Variants in PTPN7 observed in about 807,000 individuals in gnomAD.
PTPN7 encodes tyrosine-protein phosphatase non-receptor type 7.
PTPN7 carries 33 observed loss-of-function variants against 50.3 expected under a neutral mutation model. That is an observed-to-expected ratio of 0.66 (90% CI 0.50 to 0.88). PTPN7 has a LOEUF of 0.88. Among genes scored for constraint, PTPN7 ranks in the 40% least tolerant of loss-of-function variants. PTPN7 has a pLI of 0.00. For missense variants in PTPN7, 412 were observed against 475.4 expected (o/e 0.87, Z 1.24); for synonymous variants, 185 against 186.6 (o/e 0.99, Z 0.07).
chr1:202,151,716 C>T (rs138754069), intron 8 of PTPN7, among the ~76,000 whole-genome samples: 6 of 152,032 alleles, frequency 3.9e-5, no homozygotes, highest in African/African-American at 9.6e-5. Context: ...AGGGTTTCTC[C>T]ATGTTGGTCA....
At chr1:202,155,672 C>T (rs1015221350) in intron 4 of PTPN7, 63 bp from the exon 5 acceptor site, 47 of 1,408,404 alleles carry the variant, frequency 3.3e-5, no homozygotes, top group Non-Finnish European at 4.3e-5. Context: ...CAGACTCAAG[C>T]AGGGTCAGAA....
chr1:202,158,479 G>T, intron 2 of PTPN7, 178 bp from the exon 3 acceptor site: 1 of 597,510 alleles, frequency 1.7e-6, no homozygotes. Flanking sequence ...TCCCACCTCA[G>T]CCTCCAGAGT....
chr1:202,160,278 T>C lies in PTPN7; in HGVS notation c.-53+267A>G, dbSNP rs1161905150. On this transcript the variant is annotated intron_variant, in intron 1 of 9. Transcript: ENST00000691036. This position sits in a 1 kb window ranked among gnomAD's most constrained non-coding sequence, Gnocchi z 4.8. ...CAGGGACGGAGGTGAGGGGACAGAA[T>C]GGGCCTGGCACAGGTGTGAGTGGTA... 6.6e-6 allele frequency among the ~76,000 whole-genome samples: 1 copy of C among 152,000 alleles called. No individual in the cohort carries two copies. The highest frequency in any genetic ancestry group is 1.5e-5 in the Non-Finnish European group (1 of 67,982).
At chr1:202,161,423 C>T (rs535349508), upstream of PTPN7, 62 of 1,287,600 alleles carry the variant, frequency 4.8e-5, no homozygotes, top group South Asian at 6.8e-4. Context: ...CACCAGGGGA[C>T]TCCCATGTCC....
chr1:202,149,324 G>T (rs773635327), intron 9 of PTPN7, among the ~76,000 whole-genome samples: 1 of 152,092 alleles, frequency 6.6e-6, no homozygotes, highest in Non-Finnish European at 1.5e-5. Context: ...GAAGCCTTGG[G>T]TCGGGCCAGG....
chr1:202,151,684 A>G (rs1287162475), intron 8 of PTPN7, among the ~76,000 whole-genome samples: 1 of 151,756 alleles, frequency 6.6e-6, no homozygotes, highest in Non-Finnish European at 1.5e-5. Flanking sequence ...TGTGTGGCTA[A>G]TTTTGTATTT....
At chr1:202,156,093 C>T (rs535050087) in intron 4 of PTPN7, among the ~76,000 whole-genome samples, 3 of 152,184 alleles carry the variant, frequency 2.0e-5, no homozygotes, top group South Asian at 2.1e-4. Flanking sequence ...GTATTTTATA[C>T]GCAGACAGTA....
At chr1:202,161,391 A>G (rs1019021995), upstream of PTPN7, 4 of 1,277,266 alleles carry the variant, frequency 3.1e-6, no homozygotes, top group Non-Finnish European at 4.1e-6. Flanking sequence ...ACTTACAGAC[A>G]GTGGACAGTC....
In PTPN7 at chr1:202,159,765, C is replaced by T. The variant is rs2147855510; in HGVS notation, c.-52-311G>A. ...GAGTACACAGGGCTCTGAGCAGGTC[C>T]AAGTGGGAGAAGGCAAGGGAGGAAA... is the stretch of plus-strand genomic sequence containing the variant. On this transcript the variant is annotated intron_variant, in intron 1 of 9. Coordinates refer to ENST00000691036, the MANE Select transcript of PTPN7 (RefSeq NM_002832.4). The surrounding 1 kb of genome is among the most constrained non-coding windows in gnomAD (Gnocchi z 4.6). The T allele has an allele frequency of 7.9e-7, 1 of 1,258,432 alleles. No individual in the cohort carries two copies. Among genetic ancestry groups the T allele is most frequent in the East Asian group, 3.0e-5 (1 of 33,006 alleles). The allele number at this position is 1,258,432 out of a possible 1,614,324, so 78.0% of individuals were successfully genotyped here. A position where few individuals can be genotyped will look rare whatever the true frequency, so the allele number is the denominator to read the frequency against.
intron 4 of PTPN7, among the ~76,000 whole-genome samples, chr1:202,157,520 A>G (rs375589123): frequency 3.8e-4 from 58 of 152,148 alleles, no homozygotes; most frequent in African/African-American, 1.4e-3. Context: ...TAAAAAAAAA[A>G]AAAAGGATTG....
intron 9 of PTPN7, 69 bp from the exon 10 acceptor site, chr1:202,148,768 A>G: frequency 7.4e-7 from 1 of 1,357,618 alleles, no homozygotes; most frequent in Middle Eastern, 1.8e-4. Flanking sequence ...CTCCAGTCAA[A>G]CATCCCTGTG....
upstream of PTPN7, chr1:202,161,257 G>A: frequency 8.7e-7 from 1 of 1,143,996 alleles, no homozygotes. Flanking sequence ...CACGGCCTGA[G>A]TGTAGGCCAG....
rs767844941 is a variant in PTPN7, at chr1:202,153,742, G to A, written c.700C>T (p.Arg234Trp). The A allele has an allele frequency of 6.8e-6, 11 of 1,613,740 alleles. No homozygotes were observed. The highest frequency in any genetic ancestry group is 1.6e-4 in the Middle Eastern group (1 of 6,074). ...GGTGGTACCTGGATGGTGAGCTGCCGCACAGTGTATTCTGGGCACTCTTTC... is the reference window on the plus strand; with the variant it reads ...GGTGGTACCTGGATGGTGAGCTGCCACACAGTGTATTCTGGGCACTCTTTC... The part of the protein sequence containing the change: ...DMKECPEYTV[R>W]QLTIQYQEER... Residue 234 changes from arginine (R) to tryptophan (W), a missense_variant, in exon 7 of 10, where the codon CGG (arginine) becomes TGG (tryptophan). Transcript: ENST00000691036.
At chr1:202,152,417 G>C (rs1656112737) in intron 8 of PTPN7, 125 bp downstream of exon 8, 2 of 1,180,880 alleles carry the variant, frequency 1.7e-6, no homozygotes, top group Non-Finnish European at 2.3e-6. Context: ...GGCCTTGCGA[G>C]TCATGTCTGA....
chr1:202,149,151 C>T (rs1326331086), intron 9 of PTPN7, among the ~76,000 whole-genome samples: 1 of 152,040 alleles, frequency 6.6e-6, no homozygotes, highest in Non-Finnish European at 1.5e-5. Context: ...CACCATGCCC[C>T]ACCACCTATA....
Position 202,152,574 on chromosome 1 carries a change from G to T in PTPN7, c.843C>A (p.Ala281=), listed in dbSNP as rs766956221. ...GGACTACGATAGGCCCGGGGTGGGC[G>T]GCTGTCTCCGGGCTCTCCTCCACCT... ...VAEVEESPET[A]AHPGPIVVHC... Residue 281 remains alanine, a synonymous_variant, in exon 8 of 10, where the codon GCC becomes GCA. Transcript: ENST00000691036. 1.2e-6 allele frequency: 2 copies of T among 1,613,504 alleles called. No individual in the cohort carries two copies. Among genetic ancestry groups the T allele is most frequent in the Non-Finnish European group, 1.7e-6 (2 of 1,180,004 alleles).
Position 202,158,182 on chromosome 1 carries a change from G to A in PTPN7, c.242C>T (p.Pro81Leu). 6.2e-7 allele frequency: 1 copy of A among 1,613,578 alleles called. No individual in the cohort carries two copies. Among genetic ancestry groups the A allele is most frequent in the Non-Finnish European group, 8.5e-7 (1 of 1,179,730 alleles). The change falls in exon 3 of 10, where the codon CCC becomes CTC. Residue 81 changes from proline (P) to leucine (L), a missense_variant. Physicochemically the swap from Pro to Leu is moderately conservative, Grantham distance 98. Coordinates refer to ENST00000691036, the MANE Select transcript of PTPN7 (RefSeq NM_002832.4). ...GCGCTGAAGGGCCCAGCGGGTAAGG[G>A]GGTGTCCAGCAGTGCGCAGAAAGTG... ...TLHFLRTAGH[P>L]LTRWALQRQP...
intron 9 of PTPN7, 145 bp from the exon 10 acceptor site, chr1:202,148,844 TCA>T: frequency 7.8e-6 from 3 of 385,574 alleles, no homozygotes; most frequent in South Asian, 9.6e-5. Flanking sequence ...ATTCATCTTT[TCA>T]CTTTTTTTTT....
At chr1:202,155,382 AG>A (rs1438471612) in intron 5 of PTPN7, 150 bp downstream of exon 5, 3 of 761,498 alleles carry the variant, frequency 3.9e-6, no homozygotes, top group Non-Finnish European at 4.2e-6. Flanking sequence ...GTTCAGTACC[AG>A]CCCAGCTTGG....
Sources: allele counts gnomAD v4.1 joint callset (sites outside exome capture counted in the v4.1 genomes callset), GRCh38; gene constraint gnomAD v4.1.1; non-coding constraint Gnocchi (gnomAD v3.1); transcripts MANE v1.5; gene names NCBI Gene and HGNC (gene_info 2026-07-23, HGNC 2026-07-21).